The following TEAD1 variants were observed in gnomAD, a reference collection of about 807,000 sequenced individuals.
TEAD1 encodes transcriptional enhancer factor TEF-1.
In TEAD1, 9 loss-of-function variants were observed where a neutral mutation model predicts 54.9. The observed-to-expected ratio is 0.16, with a 90% CI of 0.10 to 0.29. TEAD1 has a LOEUF of 0.29. Ranked by LOEUF, TEAD1 falls within the 10% of genes least tolerant of loss-of-function variation. The pLI is 1.00. For synonymous variants in TEAD1, 200 were observed against 187.8 expected (o/e 1.07, Z -0.53); for missense variants, 387 against 535.9 (o/e 0.72, Z 2.74).
intron 3 of TEAD1, among the ~76,000 whole-genome samples, chr11:12,827,722 A>G (rs1212982118): frequency 6.6e-6 from 1 of 152,166 alleles, no homozygotes; most frequent in Non-Finnish European, 1.5e-5. Flanking sequence ...CTCTCCTATT[A>G]TCACATTTGC....
At chr11:12,879,002 C>A in intron 5 of TEAD1, 1 of 967,864 alleles carries the variant, frequency 1.0e-6, no homozygotes, top group Non-Finnish European at 1.4e-6. Flanking sequence ...TAGAAAAGAC[C>A]CGTTCAGGAA....
intron 10 of TEAD1, chr11:12,904,834 T>G (rs1173118854): frequency 5.6e-6 from 2 of 354,996 alleles, no homozygotes; most frequent in Non-Finnish European, 1.1e-5. Context: ...TGCAGTATCG[T>G]ACATGATCAC....
rs541931923 is a variant in TEAD1 at position 12,885,385 on chromosome 11, G to A, written c.699+2260G>A. Among the ~76,000 whole-genome samples the A allele has an allele frequency of 9.2e-5, 14 of 152,020 alleles. No homozygotes were observed. The East Asian group carries it at 9.7e-4, about 11-fold the overall frequency. ...CGAGTAGCTGGGACTACAGGCGCCC[G>A]CCACTACGCCTGGCTAATTTTTTTT... On this transcript the variant is annotated intron_variant, in intron 9 of 12. Transcript: ENST00000527636.
In TEAD1 at chr11:12,727,554, A is replaced by G. The variant is rs116819626; in HGVS notation, c.-54-36625A>G. On this transcript the variant is annotated intron_variant, in intron 2 of 12. Coordinates refer to ENST00000527636, the MANE Select transcript of TEAD1 (RefSeq NM_021961.6). ...TTTTAAAAATATTAAGTATGAAGCC[A>G]TTGTGATCCATGGTTCTCTTTGTAA... Among the ~76,000 whole-genome samples the G allele has an allele frequency of 6.7e-3, 1,022 of 152,326 alleles. 17 individuals are homozygous for G. The highest frequency in any genetic ancestry group is 0.024 in the African/African-American group (984 of 41,576).
At chr11:12,730,915 T>C (rs1944413318) in intron 2 of TEAD1, among the ~76,000 whole-genome samples, 1 of 151,902 alleles carries the variant, frequency 6.6e-6, no homozygotes. Context: ...TTGGCCAGGC[T>C]GGTCTCGAAC....
intron 9 of TEAD1, among the ~76,000 whole-genome samples, chr11:12,900,290 G>A (rs959992835): frequency 1.6e-4 from 24 of 151,718 alleles, no homozygotes; most frequent in Admixed American, 2.6e-4. Context: ...CAAACTCTTG[G>A]GCTTGAATGA....
chr11:12,832,903 C>T (rs2134019999), intron 3 of TEAD1, among the ~76,000 whole-genome samples: 1 of 152,014 alleles, frequency 6.6e-6, no homozygotes, highest in Middle Eastern at 3.4e-3. Flanking sequence ...TAGCACATTA[C>T]AATTGCTTGG....
At position 12,931,636 on chromosome 11, in the gene TEAD1, A is replaced by G. The variant is rs180802676; in HGVS notation, c.1167+1310A>G. On this transcript the variant is annotated intron_variant, in intron 12 of 12. Transcript: ENST00000527636. The stretch of plus-strand genomic sequence containing the variant: ...CCAGTTTCCCAAAACTCTAATTTAT[A>G]CCTTTTACCTATTTCTGTGGTGTAA... Among the ~76,000 whole-genome samples, 540 of 152,184 alleles carry G rather than the reference A, an allele frequency of 3.5e-3. 1 individual carries two copies. Among genetic ancestry groups the G allele is most frequent in the Non-Finnish European group, 6.3e-3 (428 of 68,002 alleles).
chr11:12,762,550 T>C (rs1270813434), intron 2 of TEAD1, among the ~76,000 whole-genome samples: 1 of 152,160 alleles, frequency 6.6e-6, no homozygotes, highest in African/African-American at 2.4e-5. Flanking sequence ...AGGTAGTAAA[T>C]ATTTTGCTGA....
chr11:12,893,195 A>G (rs150658553), intron 9 of TEAD1, among the ~76,000 whole-genome samples: 33 of 152,272 alleles, frequency 2.2e-4, no homozygotes, highest in African/African-American at 7.2e-4. Flanking sequence ...GCTGCAGCTG[A>G]TCTAACGGTT....
chr11:12,873,293 C>T (rs1490675231), intron 5 of TEAD1, among the ~76,000 whole-genome samples: 1 of 152,172 alleles, frequency 6.6e-6, no homozygotes, highest in Admixed American at 6.5e-5. Flanking sequence ...GTGCCTTCTC[C>T]CAGACACCTG....
At chr11:12,853,816 T>TA (rs1173738440) in intron 3 of TEAD1, among the ~76,000 whole-genome samples, 2 of 152,192 alleles carry the variant, frequency 1.3e-5, no homozygotes, top group African/African-American at 2.4e-5. Flanking sequence ...CGTTGACTGA[T>TA]ACAAACTCCT....
chr11:12,682,486 G>T (rs1252919578), intron 2 of TEAD1, among the ~76,000 whole-genome samples: 1 of 152,190 alleles, frequency 6.6e-6, no homozygotes, highest in African/African-American at 2.4e-5. Context: ...TAGCAGGGAT[G>T]CTCCTAGAGG....
At chr11:12,916,032 C>T (rs539701375) in intron 10 of TEAD1, among the ~76,000 whole-genome samples, 4 of 152,028 alleles carry the variant, frequency 2.6e-5, no homozygotes, top group Non-Finnish European at 2.9e-5. Context: ...TGTTGCTGTC[C>T]GCTTCCTCTG....
chr11:12,770,369 T>G (rs1945289915), intron 3 of TEAD1, among the ~76,000 whole-genome samples: 1 of 152,188 alleles, frequency 6.6e-6, no homozygotes. Context: ...TATTACCAAG[T>G]TATGCTTTCC....
chr11:12,675,145 C>T (rs1011200711), intron 1 of TEAD1, among the ~76,000 whole-genome samples: 15 of 149,794 alleles, frequency 1.0e-4, no homozygotes, highest in Non-Finnish European at 1.6e-4. Context: ...CTCCCGCCGC[C>T]TGCACGCGCA....
intron 2 of TEAD1, among the ~76,000 whole-genome samples, chr11:12,730,009 A>C (rs2133877350): frequency 6.6e-6 from 1 of 152,296 alleles, no homozygotes; most frequent in South Asian, 2.1e-4. Flanking sequence ...GTATTACCTA[A>C]GGTAACTGGG....
At chr11:12,771,192 C>T (rs955254548) in intron 3 of TEAD1, among the ~76,000 whole-genome samples, 3 of 152,190 alleles carry the variant, frequency 2.0e-5, no homozygotes, top group African/African-American at 4.8e-5. Flanking sequence ...AAAATATCTC[C>T]TGGGGGAGGG....
chr11:12,825,343 A>G (rs1946629987), intron 3 of TEAD1, among the ~76,000 whole-genome samples: 1 of 152,358 alleles, frequency 6.6e-6, no homozygotes, highest in African/African-American at 2.4e-5. Flanking sequence ...ACACATGCCC[A>G]ATCCCGATTC....
Sources: allele counts gnomAD v4.1 joint callset (sites outside exome capture counted in the v4.1 genomes callset), GRCh38; gene constraint gnomAD v4.1.1; transcripts MANE v1.5; gene names NCBI Gene and HGNC (gene_info 2026-07-23, HGNC 2026-07-21).